Variants in C1QTNF3 observed in about 807,000 individuals in gnomAD.
The protein encoded by C1QTNF3 is complement C1q tumor necrosis factor-related protein 3.
A neutral mutation model predicts 32.6 loss-of-function variants in C1QTNF3; 26 were observed. The ratio of observed to expected loss-of-function variants is 0.80; its 90% CI spans 0.58 to 1.11. The LOEUF is 1.11. Among genes scored for constraint, C1QTNF3 ranks in the 50% least tolerant of loss-of-function variants. The pLI is 0.00. For synonymous variants in C1QTNF3, 155 were observed against 146.0 expected, an observed-to-expected ratio of 1.06 and a Z score of -0.44; for missense variants, 362 against 398.2, an observed-to-expected ratio of 0.91 and a Z score of 0.77.
upstream of C1QTNF3, among the ~76,000 whole-genome samples, chr5:34,046,346 A>G (rs1754985692): frequency 6.6e-6 from 1 of 152,190 alleles, no homozygotes; most frequent in South Asian, 2.1e-4. Context: ...TTTACTTTTG[A>G]ATAGGTCTTT....
At chr5:34,136,248 C>T in the C1QTNF3 span, among the ~76,000 whole-genome samples, 1 of 152,266 alleles carries the variant, frequency 6.6e-6, no homozygotes, top group African/African-American at 2.4e-5. Flanking sequence ...GCAATCTACC[C>T]ATCTGACAAA....
the C1QTNF3 span, among the ~76,000 whole-genome samples, chr5:34,154,781 T>A: frequency 6.6e-6 from 1 of 152,096 alleles, no homozygotes; most frequent in Non-Finnish European, 1.5e-5. Context: ...GTGAACTATC[T>A]CTGGGCATGA....
intron 1 of C1QTNF3, among the ~76,000 whole-genome samples, chr5:34,042,414 G>C (rs1379410585): frequency 6.6e-6 from 1 of 152,120 alleles, no homozygotes; most frequent in Non-Finnish European, 1.5e-5. Flanking sequence ...GCTTCTCCCT[G>C]CCGGAAGGGA....
the C1QTNF3 span, among the ~76,000 whole-genome samples, chr5:34,223,003 A>AT: frequency 2.0e-5 from 3 of 151,940 alleles, no homozygotes; most frequent in East Asian, 3.9e-4. Flanking sequence ...AAAAATGAAC[A>AT]TTTTTTTAAA....
chr5:34,103,231 T>TC, the C1QTNF3 span, among the ~76,000 whole-genome samples: 1 of 152,166 alleles, frequency 6.6e-6, no homozygotes, highest in Non-Finnish European at 1.5e-5. Context: ...CCTTCCAGAA[T>TC]CCCACCTTTG....
In C1QTNF3 at chr5:34,030,438, C is replaced by A. The variant is rs114135770; in HGVS notation, c.571-1555G>T. On this transcript the variant is annotated intron_variant, in intron 3 of 5. Coordinates refer to ENST00000382065, the MANE Select transcript of C1QTNF3 (RefSeq NM_181435.6). Reference sequence around the variant, plus strand: ...CACCTCTCTTAATTCTGTCACTTGGCAATTGAGTAATTAGTAATTGGGCCT... The same window carrying A: ...CACCTCTCTTAATTCTGTCACTTGGAAATTGAGTAATTAGTAATTGGGCCT... Among the ~76,000 whole-genome samples the A allele has an allele frequency of 6.9e-3, 1,048 of 152,256 alleles. 13 individuals are homozygous for A. Among genetic ancestry groups the A allele is most frequent in the South Asian group, 0.025 (121 of 4,818 alleles).
chr5:34,050,156 A>G, the C1QTNF3 span, among the ~76,000 whole-genome samples: 6 of 152,172 alleles, frequency 3.9e-5, no homozygotes, highest in African/African-American at 1.4e-4. Flanking sequence ...TTTTTGAATG[A>G]AGCTGCAGAG....
At chr5:34,101,095 A>G in the C1QTNF3 span, among the ~76,000 whole-genome samples, 4 of 151,940 alleles carry the variant, frequency 2.6e-5, no homozygotes, top group East Asian at 1.9e-4. Context: ...TTTTAAAAAA[A>G]TCAAAATAGC....
At chr5:34,033,601 A>C in intron 2 of C1QTNF3, 143 bp from the exon 3 acceptor site, 1 of 955,496 alleles carries the variant, frequency 1.0e-6, no homozygotes, top group South Asian at 1.6e-5. Flanking sequence ...CATCATCTAA[A>C]TAGGGCAATA....
At chr5:34,111,026 C>A in the C1QTNF3 span, among the ~76,000 whole-genome samples, 2 of 152,090 alleles carry the variant, frequency 1.3e-5, no homozygotes, top group South Asian at 4.1e-4. Context: ...AATTATGAAA[C>A]CTATTCTTAC....
the C1QTNF3 span, among the ~76,000 whole-genome samples, chr5:34,224,447 A>G: frequency 3.9e-5 from 6 of 152,224 alleles, no homozygotes; most frequent in Non-Finnish European, 8.8e-5. Context: ...CTGGTACCAA[A>G]ACAGACATAT....
the C1QTNF3 span, among the ~76,000 whole-genome samples, chr5:34,112,517 T>C: frequency 1.3e-5 from 2 of 149,136 alleles, no homozygotes; most frequent in African/African-American, 4.9e-5. Context: ...AAAAAAAAGT[T>C]AGCCAAGCCT....
chr5:34,133,632 C>T, the C1QTNF3 span, among the ~76,000 whole-genome samples: 4 of 152,208 alleles, frequency 2.6e-5, no homozygotes, highest in African/African-American at 9.6e-5. Flanking sequence ...GAAGAGGCAT[C>T]TCAAGGTTAG....
chr5:34,120,428 CAAATGGAA>C, the C1QTNF3 span, among the ~76,000 whole-genome samples: 1 of 151,800 alleles, frequency 6.6e-6, no homozygotes, highest in Non-Finnish European at 1.5e-5. Flanking sequence ...GAAAAAAAGG[CAAATGGAA>C]ATTTGACAGT....
the C1QTNF3 span, among the ~76,000 whole-genome samples, chr5:34,129,786 T>C: frequency 6.6e-6 from 1 of 151,844 alleles, no homozygotes; most frequent in East Asian, 1.9e-4. Flanking sequence ...TAACAACCTC[T>C]ATATTTCTCC....
intron 1 of C1QTNF3, 48 bp from the exon 2 acceptor site, chr5:34,035,806 A>G: frequency 6.9e-7 from 1 of 1,438,900 alleles, no homozygotes; most frequent in Non-Finnish European, 9.6e-7. Flanking sequence ...ACTTGTGAGC[A>G]ATTAGGATTT....
At chr5:34,164,736 A>T in the C1QTNF3 span, 5 of 152,124 alleles carry the variant, frequency 3.3e-5, no homozygotes, top group South Asian at 1.0e-3. Context: ...AATTATATAC[A>T]GTAATTATTA....
chr5:34,125,545 C>A, the C1QTNF3 span, among the ~76,000 whole-genome samples: 1 of 151,696 alleles, frequency 6.6e-6, no homozygotes, highest in African/African-American at 2.4e-5. Flanking sequence ...GTTTCAGAAC[C>A]TCACTGTTGG....
At chr5:34,022,785 T>C (rs1385045252) in intron 5 of C1QTNF3, among the ~76,000 whole-genome samples, 5 of 152,260 alleles carry the variant, frequency 3.3e-5, no homozygotes, top group Admixed American at 2.6e-4. Flanking sequence ...TTTCTCCTTC[T>C]GACTCTGGCA....
Sources: allele counts gnomAD v4.1 joint callset (sites outside exome capture counted in the v4.1 genomes callset), GRCh38; gene constraint gnomAD v4.1.1; transcripts MANE v1.5; gene names NCBI Gene and HGNC (gene_info 2026-07-23, HGNC 2026-07-21).